The following SORBS3 variants were observed in gnomAD, a reference collection of about 807,000 sequenced individuals.
SORBS3 encodes the protein sorbin and SH3 domain containing 3, also known as vinexin.
A neutral mutation model predicts 98.0 loss-of-function variants in SORBS3; 69 were observed. The observed-to-expected ratio is 0.70, with a 90% confidence interval of 0.58 to 0.86. The LOEUF is 0.86. Among genes scored for constraint, SORBS3 ranks in the 40% least tolerant of loss-of-function variants. SORBS3 has a pLI of 0.00. For synonymous variants in SORBS3, 394 were observed against 355.4 expected (o/e 1.11, Z -1.22); for missense variants, 954 against 908.5 (o/e 1.05, Z -0.64).
At chr8:22,550,972 A>C (rs1036009773), upstream of SORBS3, among the ~76,000 whole-genome samples, 1 of 152,176 alleles carries the variant, frequency 6.6e-6, no homozygotes, top group African/African-American at 2.4e-5. Flanking sequence ...GGCTTGGGGC[A>C]GAGACAGGGA....
intron 20 of SORBS3, chr8:22,573,354 A>G (rs914544020): frequency 2.2e-6 from 1 of 456,162 alleles, no homozygotes; most frequent in Non-Finnish European, 4.4e-6. Flanking sequence ...ACAAGAAGAA[A>G]AAGTACCACT....
chr8:22,567,933 C>T (rs1222980695), intron 16 of SORBS3, among the ~76,000 whole-genome samples: 1 of 151,606 alleles, frequency 6.6e-6, no homozygotes, highest in Non-Finnish European at 1.5e-5. Context: ...CTGCAACCTC[C>T]ACCTCCCTGG....
In SORBS3 at chr8:22,554,194, T is replaced by A; in HGVS notation, c.-55-258T>A. ...CCCCTCCCCTCCTCCTCACCCAAGC[T>A]CCCCCTCCCCCACTCCCACCCGGAG... is the stretch of plus-strand genomic sequence containing the variant. On this transcript the variant is annotated intron_variant, in intron 1 of 20. Transcript: ENST00000240123. The surrounding 1 kb of genome is among the most constrained non-coding windows in gnomAD (Gnocchi z 6.5). The A allele has an allele frequency of 1.2e-5, 2 of 173,794 alleles. No homozygotes were observed. The highest frequency in any genetic ancestry group is 2.2e-5 in the Non-Finnish European group (2 of 89,452). The allele number at this position is 173,794 out of a possible 1,614,324, so 10.8% of individuals were successfully genotyped here. A position where few individuals can be genotyped will look rare whatever the true frequency, so the allele number is the denominator to read the frequency against.
At chr8:22,551,895 G>A (rs955723182), upstream of SORBS3, 14 of 985,074 alleles carry the variant, frequency 1.4e-5, no homozygotes, top group Admixed American at 1.2e-4. This position sits in a 1 kb window ranked among gnomAD's most constrained non-coding sequence, Gnocchi z 5.8. Context: ...ACCCGGTCAC[G>A]AGGGCCGCGA....
chr8:22,573,359 A>G (rs772179401), intron 20 of SORBS3: 4 of 456,166 alleles, frequency 8.8e-6, no homozygotes, highest in East Asian at 1.4e-4. Flanking sequence ...AAGAAAAAGT[A>G]CCACTTTTGT....
rs1244456107 is a variant in SORBS3, at chr8:22,566,881, C to T, written c.1190+13C>T. The T allele has an allele frequency of 5.0e-6, 8 of 1,604,714 alleles. No individual in the cohort carries two copies. Among genetic ancestry groups the T allele is most frequent in the African/African-American group, 1.3e-5 (1 of 74,644 alleles). On this transcript the variant is annotated intron_variant, in intron 15 of 20. Coordinates refer to ENST00000240123, the MANE Select transcript of SORBS3 (RefSeq NM_005775.5). Reference sequence around the variant, plus strand: ...CGCAGTCCCCCAAGTAAGCGCCCTCCTCCCCCTCCCCTTCCACCCAAGGCA... The same window carrying T: ...CGCAGTCCCCCAAGTAAGCGCCCTCTTCCCCCTCCCCTTCCACCCAAGGCA...
In SORBS3 at chr8:22,571,599, G is replaced by A. The variant is rs573653253; in HGVS notation, c.1744-119G>A. The A allele has an allele frequency of 5.7e-5, 42 of 730,728 alleles. 1 individual carries two copies. The highest frequency in any genetic ancestry group is 9.8e-5 in the Non-Finnish European group (40 of 409,954). 45.3% of individuals were successfully genotyped at this position (730,728 alleles called of 1,614,324 possible). On this transcript the variant is annotated intron_variant, in intron 18 of 20. Coordinates refer to ENST00000240123, the MANE Select transcript of SORBS3 (RefSeq NM_005775.5). ...GGGGTTTGGAGGCTAAGATGAAGCC[G>A]TTTGTAAGGCGTGCTGGCAGGTGGA...
At chr8:22,565,128 A>C in intron 10 of SORBS3, 140 bp from the exon 11 acceptor site, 5 of 1,466,656 alleles carry the variant, frequency 3.4e-6, no homozygotes, top group Non-Finnish European at 4.5e-6. Context: ...ACCTCCTGGC[A>C]GGAGCCCGGC....
intron 10 of SORBS3, 105 bp from the exon 11 acceptor site, chr8:22,565,163 G>T: frequency 6.7e-7 from 1 of 1,483,186 alleles, no homozygotes; most frequent in Non-Finnish European, 9.1e-7. Context: ...CTGCCCTTAC[G>T]CCGGCCCGGT....
At chr8:22,574,233 C>T (rs1239102988) in intron 20 of SORBS3, among the ~76,000 whole-genome samples, 2 of 152,282 alleles carry the variant, frequency 1.3e-5, no homozygotes, top group East Asian at 1.9e-4. Context: ...GGATCGGAGT[C>T]CCAAGCTTAC....
chr8:22,549,094 A>G (rs981747164), upstream of SORBS3, among the ~76,000 whole-genome samples: 1 of 152,218 alleles, frequency 6.6e-6, no homozygotes, highest in East Asian at 1.9e-4. Flanking sequence ...GGGATCAGGT[A>G]GCTGGGAAAA....
chr8:22,566,261 G>T (rs1840416194), intron 12 of SORBS3, 84 bp from the exon 13 acceptor site: 15 of 1,489,918 alleles, frequency 1.0e-5, no homozygotes. Flanking sequence ...GGATGGGGGC[G>T]ATGGGGGGTC....
chr8:22,554,815 T>G lies in SORBS3; in HGVS notation c.103-48T>G. The G allele has an allele frequency of 7.0e-5, 48 of 685,146 alleles. No homozygotes were observed. Among genetic ancestry groups the G allele is most frequent in the Non-Finnish European group, 1.2e-4 (45 of 385,104 alleles). The allele number at this position is 685,146 out of a possible 1,614,324, so 42.4% of individuals were successfully genotyped here. ...GCTGTGCCTAGTAGCCATCCCTCCCTCCCGCCCTGCTGGGCCCTGAGCTGC... is the reference window on the plus strand; with the variant it reads ...GCTGTGCCTAGTAGCCATCCCTCCCGCCCGCCCTGCTGGGCCCTGAGCTGC... On this transcript the variant is annotated intron_variant, in intron 2 of 20. Transcript: ENST00000240123. The surrounding 1 kb of genome is among the most constrained non-coding windows in gnomAD (Gnocchi z 6.5).
upstream of SORBS3, among the ~76,000 whole-genome samples, chr8:22,548,632 G>C (rs1276034338): frequency 6.6e-6 from 1 of 152,158 alleles, no homozygotes; most frequent in Non-Finnish European, 1.5e-5. Context: ...GTATCTCCAT[G>C]GGGGTACTGA....
chr8:22,547,240 C>T (rs1402447423), upstream of SORBS3, among the ~76,000 whole-genome samples: 1 of 151,624 alleles, frequency 6.6e-6, no homozygotes, highest in East Asian at 1.9e-4. Flanking sequence ...AAATGAAGGA[C>T]TTCAATGCAA....
intron 13 of SORBS3, 79 bp from the exon 14 acceptor site, chr8:22,566,582 C>G: frequency 6.3e-7 from 1 of 1,576,766 alleles, no homozygotes; most frequent in African/African-American, 1.4e-5. Flanking sequence ...CTTGCTTCTG[C>G]CAGTGCCTGC....
At chr8:22,557,384 G>A (rs1437436874) in intron 4 of SORBS3, among the ~76,000 whole-genome samples, 2 of 152,192 alleles carry the variant, frequency 1.3e-5, no homozygotes, top group East Asian at 1.9e-4. Context: ...CCACCTTTGT[G>A]TCTTGAGCCA....
At chr8:22,557,057 C>T (rs943207049) in intron 4 of SORBS3, 149 bp downstream of exon 4, 38 of 883,582 alleles carry the variant, frequency 4.3e-5, no homozygotes, top group African/African-American at 1.0e-4. Context: ...TGGGGTTCAG[C>T]GGCTGTAAAC....
At chr8:22,559,692 G>C (rs1448881130) in intron 5 of SORBS3, among the ~76,000 whole-genome samples, 1 of 147,052 alleles carries the variant, frequency 6.8e-6, no homozygotes, top group Non-Finnish European at 1.5e-5. Context: ...AATAGAGCAA[G>C]ACGCTGTCTC....
Sources: allele counts gnomAD v4.1 joint callset (sites outside exome capture counted in the v4.1 genomes callset), GRCh38; gene constraint gnomAD v4.1.1; non-coding constraint Gnocchi (gnomAD v3.1); transcripts MANE v1.5; gene names NCBI Gene and HGNC (gene_info 2026-07-23, HGNC 2026-07-21).